The following ACAA2 variants were observed in gnomAD, a reference collection of about 807,000 sequenced individuals.
ACAA2 encodes the protein acetyl-CoA acyltransferase 2.
Under a neutral mutation model 44.8 loss-of-function variants are expected in ACAA2, and 35 were observed. That is an observed-to-expected ratio of 0.78 (90% CI 0.60 to 1.04). The LOEUF (loss-of-function observed/expected upper bound fraction) is 1.04. ACAA2 is among the 50% of genes least tolerant of loss of function. ACAA2 has a pLI of 0.00. For missense variants in ACAA2, 468 were observed against 482.6 expected (o/e 0.97, Z 0.28); for synonymous variants, 142 against 166.5 (o/e 0.85, Z 1.13).
chr18:49,803,032 T>G (rs1018538119), intron 1 of ACAA2, 179 bp from the exon 2 acceptor site: 4 of 719,444 alleles, frequency 5.6e-6, no homozygotes, highest in Non-Finnish European at 7.3e-6. Flanking sequence ...GACTACCAGT[T>G]TGACAGTTTG....
intron 8 of ACAA2, 58 bp from the exon 9 acceptor site, chr18:49,785,409 T>A: frequency 6.4e-7 from 1 of 1,562,858 alleles, no homozygotes; most frequent in South Asian, 1.2e-5. Context: ...AATTTTTAAA[T>A]GAGAATGGTC....
In ACAA2 at chr18:49,787,289, A is replaced by G; in HGVS notation, c.954+2T>C. On this transcript the variant is annotated splice_donor_variant, in intron 8 of 9. Coordinates refer to ENST00000285093, the MANE Select transcript of ACAA2 (RefSeq NM_006111.3). LOFTEE classifies it high-confidence loss of function. ...AAAAAAAAAAAAAAAAAAAACACTT[A>G]CCTCTACCAAATCCATGTCCTTAAG... 3 of 1,423,816 alleles carry G rather than the reference A, an allele frequency of 2.1e-6. No individual in the cohort carries two copies. The highest frequency in any genetic ancestry group is 1.6e-5 in the South Asian group (1 of 63,754). The allele number at this position is 1,423,816 out of a possible 1,614,324, so 88.2% of individuals were successfully genotyped here.
intron 7 of ACAA2, among the ~76,000 whole-genome samples, chr18:49,789,339 TG>T (rs2023371169): frequency 6.6e-6 from 1 of 152,202 alleles, no homozygotes; most frequent in African/African-American, 2.4e-5. Flanking sequence ...TCATCTGGGA[TG>T]CTTCAACGAG....
chr18:49,785,871 C>CAGTA (rs1156235752), intron 8 of ACAA2: 1 of 155,434 alleles, frequency 6.4e-6, no homozygotes, highest in Admixed American at 6.5e-5. Context: ...TATTATTATG[C>CAGTA]AGTACTAGGA....
chr18:49,813,375 G>T, intron 1 of ACAA2, 94 bp downstream of exon 1: 1 of 1,027,876 alleles, frequency 9.7e-7, no homozygotes, highest in Non-Finnish European at 1.3e-6. Context: ...TTCACCCCAC[G>T]ACCCCGACTC....
intron 2 of ACAA2, among the ~76,000 whole-genome samples, chr18:49,801,637 G>C (rs1054329408): frequency 2.0e-5 from 3 of 151,742 alleles, no homozygotes; most frequent in Non-Finnish European, 4.4e-5. Flanking sequence ...ACAGCATCAA[G>C]TTCAAATGCA....
chr18:49,797,562 A>G lies in ACAA2; in HGVS notation c.216T>C (p.His72=). The change falls in exon 3 of 10, where the codon CAT becomes CAC. Residue 72 remains histidine (H), a synonymous_variant. Transcript: ENST00000285093. ...SSSDAIYLAR[H]VGLRVGIPKE... Reference sequence around the variant, plus strand: ...TTGGGATTCCCACACGCAAACCAACATGCCTTGCCAAATATATAGCATCTG... The same window carrying G: ...TTGGGATTCCCACACGCAAACCAACGTGCCTTGCCAAATATATAGCATCTG... The G allele has an allele frequency of 1.9e-6, 3 of 1,611,956 alleles. No individual in the cohort carries two copies. The highest frequency in any genetic ancestry group is 1.7e-6 in the Non-Finnish European group (2 of 1,179,194).
intron 7 of ACAA2, 104 bp from the exon 8 acceptor site, chr18:49,787,465 G>A: frequency 3.7e-6 from 3 of 803,674 alleles, no homozygotes; most frequent in Non-Finnish European, 5.4e-6. Context: ...AAATAATGCG[G>A]CAGTTATTAG....
Position 49,791,454 on chromosome 18 carries a change from T to C in ACAA2, c.883+16A>G, listed in dbSNP as rs2023397690. 1.9e-6 allele frequency: 3 copies of C among 1,603,034 alleles called. No homozygotes were observed. The highest frequency in any genetic ancestry group is 2.6e-6 in the Non-Finnish European group (3 of 1,173,732). On this transcript the variant is annotated intron_variant, in intron 7 of 9. Coordinates refer to ENST00000285093, the MANE Select transcript of ACAA2 (RefSeq NM_006111.3). ...CAGAAATATTATAGAACCAGTTTGT[T>C]TTACTATAAACTTACCAATACCCAT...
At chr18:49,787,100 T>A (rs559349239) in intron 8 of ACAA2, among the ~76,000 whole-genome samples, 191 bp downstream of exon 8, 1 of 152,096 alleles carries the variant, frequency 6.6e-6, no homozygotes, top group African/African-American at 2.4e-5. Flanking sequence ...TAAAGCATGT[T>A]AACCAGGTGG....
chr18:49,787,853 CTTGGGATCCAAGCCATATGCATT>C (rs1471677505), intron 7 of ACAA2, among the ~76,000 whole-genome samples: 2 of 152,160 alleles, frequency 1.3e-5, no homozygotes, highest in Non-Finnish European at 2.9e-5. Flanking sequence ...GAGTGCTCTA[CTTGGGATCCAAGCCATATGCATT>C]CACAGCACAG....
At chr18:49,794,578 T>G in intron 4 of ACAA2, 151 bp from the exon 5 acceptor site, 1 of 625,688 alleles carries the variant, frequency 1.6e-6, no homozygotes, top group Non-Finnish European at 2.5e-6. Context: ...TATGGGATAT[T>G]TTTTAAAAAC....
intron 7 of ACAA2, 49 bp from the exon 8 acceptor site, chr18:49,787,410 C>T (rs2023345949): frequency 8.0e-7 from 1 of 1,244,532 alleles, no homozygotes; most frequent in Non-Finnish European, 1.1e-6. Context: ...TAAATGTCAT[C>T]TTATATTTAC....
At chr18:49,797,103 T>C (rs1189790388) in intron 3 of ACAA2, among the ~76,000 whole-genome samples, 1 of 152,082 alleles carries the variant, frequency 6.6e-6, no homozygotes, top group African/African-American at 2.4e-5. Context: ...AAACTGAAAC[T>C]CCATATCCAT....
At chr18:49,796,700 T>G (rs1366314845) in intron 3 of ACAA2, among the ~76,000 whole-genome samples, 1 of 151,930 alleles carries the variant, frequency 6.6e-6, no homozygotes, top group African/African-American at 2.4e-5. Context: ...TCTCCTAAAT[T>G]CTTGAGATTT....
chr18:49,802,655 T>C (rs757724476), intron 2 of ACAA2, 32 bp downstream of exon 2: 4 of 1,580,224 alleles, frequency 2.5e-6, no homozygotes, highest in African/African-American at 1.4e-5. Flanking sequence ...AAAGAAGCAA[T>C]AGGAGTGAAC....
At position 49,783,812 on chromosome 18, in the gene ACAA2, A is replaced by G. The variant is rs2023293546; in HGVS notation, c.*35T>C. On this transcript the variant is annotated 3_prime_UTR_variant, in exon 10 of 10. Transcript: ENST00000285093. ...GTTTTACTGTGGCCTGGCCAAGTAGAGTAAGGATGGGTCACAGTGAGCTCA... is the reference window on the plus strand; with the variant it reads ...GTTTTACTGTGGCCTGGCCAAGTAGGGTAAGGATGGGTCACAGTGAGCTCA... 2 of 1,587,268 alleles carry G rather than the reference A, an allele frequency of 1.3e-6. No individual in the cohort carries two copies.
intron 1 of ACAA2, among the ~76,000 whole-genome samples, chr18:49,809,111 G>C (rs569958028): frequency 3.2e-4 from 49 of 152,216 alleles, no homozygotes; most frequent in African/African-American, 1.2e-3. Context: ...TTGCATATCC[G>C]TTTATAGGCT....
chr18:49,785,754 T>C (rs1487937266), intron 8 of ACAA2: 1 of 206,178 alleles, frequency 4.9e-6, no homozygotes, highest in Non-Finnish European at 9.6e-6. Flanking sequence ...GTGACTGTGG[T>C]ATCATGCTAA....
Sources: allele counts gnomAD v4.1 joint callset (sites outside exome capture counted in the v4.1 genomes callset), GRCh38; gene constraint gnomAD v4.1.1; transcripts MANE v1.5; gene names NCBI Gene and HGNC (gene_info 2026-07-23, HGNC 2026-07-21).